SORCS2: variants seen among roughly 807,000 people sequenced by gnomAD.
SORCS2 encodes the protein VPS10 domain-containing receptor SorCS2.
Under a neutral mutation model 141.6 loss-of-function variants are expected in SORCS2, and 100 were observed. The ratio of observed to expected loss-of-function variants is 0.71; its 90% CI spans 0.60 to 0.83. The LOEUF (loss-of-function observed/expected upper bound fraction) is 0.83. Ranked by LOEUF, SORCS2 falls within the 40% of genes least tolerant of loss-of-function variation. The pLI is 0.00. For synonymous variants in SORCS2, 789 were observed against 676.9 expected, an observed-to-expected ratio of 1.17 and a Z score of -2.57; for missense variants, 1,646 against 1,560.2, an observed-to-expected ratio of 1.05 and a Z score of -0.93.
At chr4:7,543,805 C>T (rs1560373353) in intron 3 of SORCS2, among the ~76,000 whole-genome samples, 1 of 99,194 alleles carries the variant, frequency 1.0e-5, no homozygotes, top group Admixed American at 1.0e-4. Flanking sequence ...TCCATCCATC[C>T]ATCCATCCAT....
intron 3 of SORCS2, among the ~76,000 whole-genome samples, chr4:7,567,259 G>A (rs1159372454): frequency 1.3e-5 from 2 of 152,082 alleles, no homozygotes; most frequent in East Asian, 1.9e-4. Context: ...TGTTACAAGT[G>A]CAAACTGTAT....
At chr4:7,464,673 C>CA (rs1577608598) in intron 2 of SORCS2, among the ~76,000 whole-genome samples, 1 of 151,936 alleles carries the variant, frequency 6.6e-6, no homozygotes, top group Non-Finnish European at 1.5e-5. Context: ...TTGGGGATCC[C>CA]AAAAAATGGT....
rs1160956988 is a variant in SORCS2, at chr4:7,380,884, C to A, written c.481-15404C>A. ...GCAGATCACGATGTTGAGATCAAGG[C>A]CAGCCTGGCCAACACGGTGAAACCC... On this transcript the variant is annotated intron_variant, in intron 1 of 26. Transcript: ENST00000507866. Among the ~76,000 whole-genome samples the A allele has an allele frequency of 1.3e-4, 20 of 152,178 alleles. 1 individual carries two copies. Among genetic ancestry groups the A allele is most frequent in the Admixed American group, 1.3e-3 (20 of 15,288 alleles).
chr4:7,634,892 A>G (rs1193936389), intron 3 of SORCS2, among the ~76,000 whole-genome samples: 1 of 152,112 alleles, frequency 6.6e-6, no homozygotes, highest in South Asian at 2.1e-4. Flanking sequence ...TGCCCAGAAA[A>G]ACATCAGACA....
rs761309300 is a variant in SORCS2 at position 7,734,344 on chromosome 4, C to A, written c.3281C>A (p.Ala1094Glu). 16 of 1,584,190 alleles carry A rather than the reference C, an allele frequency of 1.0e-5. No homozygotes were observed. The highest frequency in any genetic ancestry group is 1.3e-5 in the African/African-American group (1 of 74,512). ...VVLFVIGLFA[A>E]GAFILYKFKR... ...CTGTTTGTCATCGGGCTCTTCGCAG[C>A]GGGAGCCTTCATCCTCTACAAGTTC... The change falls in exon 25 of 27, where the codon GCG (alanine) becomes GAG (glutamate). Residue 1094 changes from alanine to glutamate, a missense_variant. By Grantham distance (107) the Ala-to-Glu change is moderately radical. Coordinates refer to ENST00000507866, the MANE Select transcript of SORCS2 (RefSeq NM_020777.3).
At chr4:7,640,042 T>C (rs1212180947) in intron 4 of SORCS2, among the ~76,000 whole-genome samples, 1 of 130,058 alleles carries the variant, frequency 7.7e-6, no homozygotes, top group African/African-American at 2.7e-5. Flanking sequence ...AGTGTGCATG[T>C]GTGAGAGTGT....
intron 14 of SORCS2, among the ~76,000 whole-genome samples, chr4:7,707,600 C>T (rs538774011): frequency 6.6e-5 from 10 of 152,350 alleles, no homozygotes; most frequent in South Asian, 2.1e-4. Context: ...CTCACCCCTT[C>T]GAGGATCTGA....
At chr4:7,339,941 A>G (rs2108987031) in intron 1 of SORCS2, among the ~76,000 whole-genome samples, 1 of 152,308 alleles carries the variant, frequency 6.6e-6, no homozygotes, top group South Asian at 2.1e-4. Context: ...GCTGCTTTCC[A>G]TGAGGACTTG....
chr4:7,661,097 C>G (rs1310627105), intron 5 of SORCS2, among the ~76,000 whole-genome samples: 1 of 152,186 alleles, frequency 6.6e-6, no homozygotes, highest in South Asian at 2.1e-4. Context: ...TGCCTGCCTC[C>G]TGTAGTCATT....
At chr4:7,552,353 C>G (rs904007442) in intron 3 of SORCS2, among the ~76,000 whole-genome samples, 4 of 152,150 alleles carry the variant, frequency 2.6e-5, no homozygotes, top group African/African-American at 9.7e-5. Flanking sequence ...GGCACCAGCA[C>G]TTTCAGCAGG....
At chr4:7,249,300 G>A (rs1201106352) in intron 1 of SORCS2, among the ~76,000 whole-genome samples, 1 of 152,136 alleles carries the variant, frequency 6.6e-6, no homozygotes, top group East Asian at 1.9e-4. Flanking sequence ...CTCTCCTGCA[G>A]CCTCTTCATG....
intron 2 of SORCS2, among the ~76,000 whole-genome samples, chr4:7,411,171 G>C (rs541865487): frequency 6.6e-6 from 1 of 151,852 alleles, no homozygotes; most frequent in South Asian, 2.1e-4. Context: ...GGCCAGGATG[G>C]TCTCCGTCTC....
At chr4:7,248,229 G>C (rs896658459) in intron 1 of SORCS2, among the ~76,000 whole-genome samples, 17 of 152,222 alleles carry the variant, frequency 1.1e-4, no homozygotes, top group African/African-American at 4.1e-4. Flanking sequence ...TCCTTGCGGG[G>C]CTCAGCTGAG....
intron 1 of SORCS2, among the ~76,000 whole-genome samples, chr4:7,377,270 A>G (rs1280028625): frequency 6.6e-6 from 1 of 152,156 alleles, no homozygotes; most frequent in Non-Finnish European, 1.5e-5. Flanking sequence ...GCTTGTTATA[A>G]AGAAATGCTG....
intron 1 of SORCS2, among the ~76,000 whole-genome samples, chr4:7,338,132 T>G (rs1286889823): frequency 6.6e-6 from 1 of 151,206 alleles, no homozygotes; most frequent in Non-Finnish European, 1.5e-5. Context: ...GATGGATGGA[T>G]GGATGTTGGT....
intron 2 of SORCS2, among the ~76,000 whole-genome samples, chr4:7,479,849 A>G (rs1210581037): frequency 1.3e-5 from 2 of 152,210 alleles, no homozygotes; most frequent in Non-Finnish European, 2.9e-5. Context: ...CATTTTAATG[A>G]GCAATTATTT....
chr4:7,599,328 T>C (rs576091415), intron 3 of SORCS2, among the ~76,000 whole-genome samples: 1 of 152,088 alleles, frequency 6.6e-6, no homozygotes, highest in Non-Finnish European at 1.5e-5. Flanking sequence ...GAAGTGGCGG[T>C]GATCCACGTG....
intron 2 of SORCS2, among the ~76,000 whole-genome samples, chr4:7,519,332 A>T (rs932237936): frequency 6.6e-6 from 1 of 152,186 alleles, no homozygotes; most frequent in Non-Finnish European, 1.5e-5. Flanking sequence ...CAGACATAAA[A>T]CCAGCGAGAA....
At chr4:7,312,792 G>A (rs753537427) in intron 1 of SORCS2, among the ~76,000 whole-genome samples, 3 of 152,232 alleles carry the variant, frequency 2.0e-5, no homozygotes, top group Non-Finnish European at 4.4e-5. Flanking sequence ...CAGTTCAGGA[G>A]GAGGTCCCCA....
Sources: allele counts gnomAD v4.1 joint callset (sites outside exome capture counted in the v4.1 genomes callset), GRCh38; gene constraint gnomAD v4.1.1; transcripts MANE v1.5; gene names NCBI Gene and HGNC (gene_info 2026-07-23, HGNC 2026-07-21).